Variants in ZGRF1 observed in about 807,000 individuals in gnomAD.
The protein encoded by ZGRF1 is 5'-3' DNA helicase ZGRF1.
ZGRF1 carries 196 observed loss-of-function variants against 203.5 expected under a neutral mutation model. The observed-to-expected ratio is 0.96, with a 90% CI of 0.86 to 1.08. The LOEUF is 1.08. Among genes scored for constraint, ZGRF1 ranks in the 50% least tolerant of loss-of-function variants. ZGRF1 has a pLI of 0.00. For synonymous variants in ZGRF1, 809 were observed against 841.3 expected, an observed-to-expected ratio of 0.96 and a Z score of 0.66; for missense variants, 2,326 against 2,416.3, an observed-to-expected ratio of 0.96 and a Z score of 0.78.
intron 26 of ZGRF1, 40 bp from the exon 27 acceptor site, chr4:112,540,164 T>TGAA: frequency 6.9e-7 from 1 of 1,451,590 alleles, no homozygotes; most frequent in Non-Finnish European, 9.1e-7. Context: ...TAAGAGATTG[T>TGAA]GAAGAACTTA....
chr4:112,563,566 G>A (rs565331033), intron 16 of ZGRF1, among the ~76,000 whole-genome samples: 2 of 152,266 alleles, frequency 1.3e-5, no homozygotes, highest in East Asian at 3.9e-4. Flanking sequence ...AAGAAGGAGG[G>A]CAGAGACATC....
Position 112,619,020 on chromosome 4 carries a change from G to A in ZGRF1, c.1022C>T (p.Ser341Phe), listed in dbSNP as rs773871051. ...LSSQSSPIHS[S>F]TVDGNDTERK... Reference sequence around the variant, plus strand: ...TTCTGTATCATTCCCATCTACAGTAGAAGAATGTATAGGTGAACTCTGTGA... The same window carrying A: ...TTCTGTATCATTCCCATCTACAGTAAAAGAATGTATAGGTGAACTCTGTGA... Residue 341 changes from serine to phenylalanine, a missense_variant, in exon 6 of 28, where the codon TCT becomes TTT. Transcript: ENST00000505019. 19 of 1,613,780 alleles carry A rather than the reference G, an allele frequency of 1.2e-5. No homozygotes were observed. The highest frequency in any genetic ancestry group is 1.3e-5 in the Non-Finnish European group (15 of 1,179,898).
At chr4:112,569,763 A>G (rs1263977587) in intron 16 of ZGRF1, among the ~76,000 whole-genome samples, 1 of 152,170 alleles carries the variant, frequency 6.6e-6, no homozygotes, top group Non-Finnish European at 1.5e-5. Context: ...GGCTTATTCT[A>G]TTTACAAGTC....
chr4:112,608,463 A>G lies in ZGRF1; in HGVS notation c.2718+916T>C, dbSNP rs536656425. On this transcript the variant is annotated intron_variant, in intron 8 of 27. Transcript: ENST00000505019. ...GAGAAACCCCATCTCTACTAAAAAA[A>G]TACAAAATTAGCCAGGCGTGGTAGT... 2.3e-3 allele frequency among the ~76,000 whole-genome samples: 357 copies of G among 152,218 alleles called. 1 individual carries two copies. Among genetic ancestry groups the G allele is most frequent in the Middle Eastern group, 6.8e-3 (2 of 294 alleles).
chr4:112,565,497 T>C (rs2148912963), intron 16 of ZGRF1: 1 of 632,478 alleles, frequency 1.6e-6, no homozygotes, highest in Non-Finnish European at 2.7e-6. Flanking sequence ...GTATTTTTTT[T>C]CCATGGGGTC....
chr4:112,559,199 T>A (rs910868004), intron 19 of ZGRF1, among the ~76,000 whole-genome samples: 8 of 152,130 alleles, frequency 5.3e-5, no homozygotes, highest in African/African-American at 1.9e-4. Context: ...GTTGTTTTTT[T>A]TTGTTTTGTT....
At chr4:112,546,564 G>C (rs1431177865) in intron 24 of ZGRF1, among the ~76,000 whole-genome samples, 1 of 152,176 alleles carries the variant, frequency 6.6e-6, no homozygotes, top group East Asian at 1.9e-4. Context: ...ACTTTCAAAA[G>C]GTGATTTAGG....
At chr4:112,575,288 T>C (rs940849557) in intron 16 of ZGRF1, among the ~76,000 whole-genome samples, 1 of 152,006 alleles carries the variant, frequency 6.6e-6, no homozygotes, top group Non-Finnish European at 1.5e-5. Context: ...GGCCTAACAT[T>C]TGGGGGGAAG....
At chr4:112,544,522 A>G (rs886412604) in intron 24 of ZGRF1, among the ~76,000 whole-genome samples, 1 of 152,246 alleles carries the variant, frequency 6.6e-6, no homozygotes, top group Admixed American at 6.5e-5. Context: ...TGAAGGCTCA[A>G]GAACTGTGTC....
In ZGRF1 at chr4:112,617,860, A is replaced by C; in HGVS notation, c.2182T>G (p.Leu728Val). The C allele has an allele frequency of 6.2e-7, 1 of 1,614,068 alleles. No individual in the cohort carries two copies. The highest frequency in any genetic ancestry group is 8.5e-7 in the Non-Finnish European group (1 of 1,179,980). The change falls in exon 6 of 28, where the codon TTA (leucine) becomes GTA (valine). Residue 728 changes from leucine (L) to valine (V), a missense_variant. Transcript: ENST00000505019. ...TTGTCACTACTAGAAGTTGAGGGTA[A>C]AACATGTTCATCATTTTTGTCTAAG... ...SDLDKNDEHV[L>V]PSTSSSDNSV...
chr4:112,551,868 T>C (rs1740030311), intron 22 of ZGRF1, among the ~76,000 whole-genome samples: 1 of 152,206 alleles, frequency 6.6e-6, no homozygotes, highest in Non-Finnish European at 1.5e-5. Flanking sequence ...TTATTTATTA[T>C]TATGTTGCTG....
intron 10 of ZGRF1, among the ~76,000 whole-genome samples, chr4:112,599,633 G>T (rs1425868438): frequency 1.3e-5 from 2 of 151,704 alleles, no homozygotes; most frequent in African/African-American, 2.4e-5. Flanking sequence ...GTGGAGGGAG[G>T]ATCACTTGAG....
intron 16 of ZGRF1, among the ~76,000 whole-genome samples, chr4:112,578,794 A>G (rs2148980256): frequency 8.1e-6 from 1 of 122,916 alleles, no homozygotes; most frequent in East Asian, 2.4e-4. Context: ...CTACCAACCA[A>G]AAAAAGTCCA....
Position 112,618,975 on chromosome 4 carries a change from T to C in ZGRF1, c.1067A>G (p.Glu356Gly). 6.2e-7 allele frequency: 1 copy of C among 1,613,780 alleles called. No individual in the cohort carries two copies. ...TTTCAAATTAGAATTTACATCATCT[T>C]CCTGGGCCTTGGGTTTCCTTTCTGT... The part of the protein sequence containing the change: ...NDTERKPKAQ[E>G]DDVNSNLKDL... Residue 356 changes from glutamate to glycine, a missense_variant, in exon 6 of 28, where the codon GAA becomes GGA. Glu to Gly is a moderately conservative substitution (Grantham distance 98, BLOSUM62 -2). Coordinates refer to ENST00000505019, the MANE Select transcript of ZGRF1 (RefSeq NM_018392.5).
intron 15 of ZGRF1, among the ~76,000 whole-genome samples, chr4:112,582,678 T>A (rs1746478471): frequency 6.6e-6 from 1 of 152,176 alleles, no homozygotes; most frequent in African/African-American, 2.4e-5. Context: ...CAGGCTGGTC[T>A]GGTACTCCTG....
At chr4:112,546,779 C>A (rs1300890226) in intron 24 of ZGRF1, 1 of 152,326 alleles carries the variant, frequency 6.6e-6, no homozygotes, top group Non-Finnish European at 1.5e-5. Flanking sequence ...CTGCCTTCCA[C>A]CACAGGATGA....
intron 25 of ZGRF1, 27 bp from the exon 26 acceptor site, chr4:112,540,982 A>G (rs1424536085): frequency 3.9e-6 from 6 of 1,555,710 alleles, no homozygotes; most frequent in Non-Finnish European, 5.2e-6. Context: ...ATCCTAAATT[A>G]TATTTCCCAG....
intron 3 of ZGRF1, among the ~76,000 whole-genome samples, chr4:112,631,265 G>A (rs962459717): frequency 3.9e-5 from 6 of 152,154 alleles, no homozygotes; most frequent in Admixed American, 2.0e-4. Context: ...GCCTCCCAAC[G>A]TGGTGGGATT....
At chr4:112,582,068 G>A (rs1163975081) in intron 15 of ZGRF1, among the ~76,000 whole-genome samples, 3 of 152,022 alleles carry the variant, frequency 2.0e-5, no homozygotes, top group Admixed American at 2.0e-4. Context: ...ATTTAATTTT[G>A]TTTATTGGTA....
Sources: gnomAD v4.1 joint callset for allele counts (sites outside exome capture counted in the v4.1 genomes callset) on GRCh38, gnomAD v4.1.1 for gene constraint, MANE v1.5 for transcripts, NCBI Gene and HGNC (gene_info 2026-07-23, HGNC 2026-07-21) for gene names.